MTF2: variants seen among roughly 807,000 people sequenced by gnomAD.
MTF2 encodes metal-response element-binding transcription factor 2.
A neutral mutation model predicts 79.5 loss-of-function variants in MTF2; 11 were observed. The observed-to-expected ratio is 0.14, with a 90% CI of 0.09 to 0.23. The LOEUF is 0.23. MTF2 is among the 10% of genes least tolerant of loss of function. MTF2 has a pLI of 1.00. For synonymous variants in MTF2, 208 were observed against 232.8 expected (o/e 0.89, Z 0.97); for missense variants, 486 against 711.2 (o/e 0.68, Z 3.60).
chr1:93,087,750 A>G (rs1184553324), intron 1 of MTF2, among the ~76,000 whole-genome samples: 1 of 152,198 alleles, frequency 6.6e-6, no homozygotes, highest in African/African-American at 2.4e-5. Context: ...ACAAATATCT[A>G]GAATAACTTT....
rs754860195 is a variant in MTF2, at chr1:93,136,940, C to T, written c.1695C>T (p.Gly565=). The change falls in exon 15 of 15, where the codon GGC becomes GGT. Residue 565 remains glycine (G), a synonymous_variant. Transcript: ENST00000370298. The stretch of plus-strand genomic sequence containing the variant: ...GTGCTGCAGGTAGAATAGCATGTGG[C>T]GAAAAATACCGAGTTTTGGCACGTC... The part of the protein sequence containing the change: ...YFGAAGRIAC[G]EKYRVLARRV... 2.5e-5 allele frequency: 40 copies of T among 1,613,774 alleles called. 1 individual carries two copies. Among genetic ancestry groups the T allele is most frequent in the Admixed American group, 1.8e-4 (11 of 59,968 alleles).
At chr1:93,084,293 T>G (rs1320824270) in intron 1 of MTF2, among the ~76,000 whole-genome samples, 2 of 152,208 alleles carry the variant, frequency 1.3e-5, no homozygotes, top group Non-Finnish European at 2.9e-5. Context: ...AAAAATAAAT[T>G]AACCATACAT....
At chr1:93,099,336 C>A (rs1655432359) in intron 1 of MTF2, among the ~76,000 whole-genome samples, 1 of 152,050 alleles carries the variant, frequency 6.6e-6, no homozygotes, top group African/African-American at 2.4e-5. Context: ...AAAGGATTTA[C>A]CAAGGGCTGG....
chr1:93,134,331 A>G (rs567999197), intron 14 of MTF2, 136 bp downstream of exon 14: 8 of 635,738 alleles, frequency 1.3e-5, no homozygotes, highest in East Asian at 1.1e-4. Flanking sequence ...GAGGTAATCC[A>G]TATGTAGATC....
At chr1:93,123,362 C>T (rs1434980385) in intron 9 of MTF2, among the ~76,000 whole-genome samples, 23 of 151,442 alleles carry the variant, frequency 1.5e-4, no homozygotes, top group Admixed American at 1.3e-3. Flanking sequence ...AGTTATCTTC[C>T]TGCCTCAGCA....
At chr1:93,130,856 A>G (rs991694418) in intron 11 of MTF2, among the ~76,000 whole-genome samples, 1 of 152,174 alleles carries the variant, frequency 6.6e-6, no homozygotes, top group Non-Finnish European at 1.5e-5. Context: ...GTGGGTGGTT[A>G]ATCAAGATCT....
At position 93,138,065 on chromosome 1, in the gene MTF2, T is replaced by C. The variant is rs759615125; in HGVS notation, c.*1038T>C. The C allele has an allele frequency of 3.3e-5, 5 of 152,232 alleles. No individual in the cohort carries two copies. The highest frequency in any genetic ancestry group is 5.9e-5 in the Non-Finnish European group (4 of 68,030). The allele number at this position is 152,232 out of a possible 1,614,324, so 9.4% of individuals were successfully genotyped here. A position where few individuals can be genotyped will look rare whatever the true frequency, so the allele number is the denominator to read the frequency against. On this transcript the variant is annotated 3_prime_UTR_variant, in exon 15 of 15. Coordinates refer to ENST00000370298, the MANE Select transcript of MTF2 (RefSeq NM_007358.4). ...AAATGTCTGTAGTAACTGTTAGTCA[T>C]GTTTGAATAAGTGTAGTATGAACAA...
intron 4 of MTF2, 31 bp from the exon 5 acceptor site, chr1:93,114,957 G>A (rs373662381): frequency 2.0e-4 from 300 of 1,492,622 alleles, no homozygotes; most frequent in Non-Finnish European, 2.4e-4. Context: ...TAATGAAACC[G>A]AATTTGCTTT....
chr1:93,101,568 G>GTTTT (rs71586778), intron 1 of MTF2, among the ~76,000 whole-genome samples: 436 of 25,358 alleles, frequency 0.017, 107 homozygotes, highest in Middle Eastern at 0.17. Flanking sequence ...GCTCAGGCTG[G>GTTTT]TTTTTTTTTT....
At position 93,105,228 on chromosome 1, in the gene MTF2, G is replaced by A. The variant is rs1335249384; in HGVS notation, c.6-5002G>A. ...ATTGAAGTGGGCCGAAGACTGAAAAGGGGAGGAGACTATAGGAGTGGAGAC... is the reference window on the plus strand; with the variant it reads ...ATTGAAGTGGGCCGAAGACTGAAAAAGGGAGGAGACTATAGGAGTGGAGAC... On this transcript the variant is annotated intron_variant, in intron 1 of 14. Transcript: ENST00000370298. Among the ~76,000 whole-genome samples the A allele has an allele frequency of 4.6e-5, 7 of 151,680 alleles. No individual in the cohort carries two copies. In the East Asian group the frequency reaches 1.2e-3, roughly 25 times the overall value.
intron 1 of MTF2, 24 bp downstream of exon 1, chr1:93,079,555 C>T (rs1225828826): frequency 1.2e-6 from 2 of 1,611,312 alleles, no homozygotes; most frequent in Non-Finnish European, 1.7e-6. Flanking sequence ...GCCTGGGAAC[C>T]GACTCTTCCG....
At chr1:93,082,094 C>T (rs921339717) in intron 1 of MTF2, among the ~76,000 whole-genome samples, 1 of 152,146 alleles carries the variant, frequency 6.6e-6, no homozygotes, top group Non-Finnish European at 1.5e-5. Context: ...CCTCTCTAGT[C>T]TTTTTAAAAT....
chr1:93,138,848 A>G lies in MTF2; in HGVS notation c.*1821A>G, dbSNP rs1024207561. ...TGTATCATATTATTTCATTTTCCCC[A>G]AAGTCCTTTAATTCTAACTGAACAC... On this transcript the variant is annotated 3_prime_UTR_variant, in exon 15 of 15. Coordinates refer to ENST00000370298, the MANE Select transcript of MTF2 (RefSeq NM_007358.4). The G allele has an allele frequency of 6.6e-6, 1 of 152,210 alleles. No homozygotes were observed. The allele number at this position is 152,210 out of a possible 1,614,324, so 9.4% of individuals were successfully genotyped here. A position where few individuals can be genotyped will look rare whatever the true frequency, so the allele number is the denominator to read the frequency against.
At chr1:93,084,092 G>A (rs1654733455) in intron 1 of MTF2, among the ~76,000 whole-genome samples, 1 of 150,490 alleles carries the variant, frequency 6.6e-6, no homozygotes, top group South Asian at 2.1e-4. Context: ...TGCTTTTGAT[G>A]CCGTATCTAA....
intron 14 of MTF2, 93 bp from the exon 15 acceptor site, chr1:93,136,577 T>C (rs1647406891): frequency 1.0e-6 from 1 of 999,814 alleles, no homozygotes; most frequent in Admixed American, 2.3e-5. Flanking sequence ...GGATATATGG[T>C]ATAGTAGAGT....
rs74464389 is a variant in MTF2 at position 93,119,313 on chromosome 1, C to CTTTTTT, written c.729-11_729-6dup. The CTTTTTT allele has an allele frequency of 1.5e-6, 2 of 1,295,020 alleles. No individual in the cohort carries two copies. The highest frequency in any genetic ancestry group is 2.4e-5 in the Admixed American group (1 of 41,098). 80.2% of individuals were successfully genotyped at this position (1,295,020 alleles called of 1,614,324 possible). On this transcript the variant is annotated intron_variant, in intron 7 of 14. Coordinates refer to ENST00000370298, the MANE Select transcript of MTF2 (RefSeq NM_007358.4). ...CTGATGACTCAGTATAAAACTTTTT[C>CTTTTTT]TTTTTTTTTTTTTTCTTAGATTTTA... is the stretch of plus-strand genomic sequence containing the variant.
At chr1:93,127,338 A>G (rs775315808) in intron 10 of MTF2, 39 bp downstream of exon 10, 1 of 1,277,512 alleles carries the variant, frequency 7.8e-7, no homozygotes, top group Admixed American at 1.7e-5. Context: ...TGAGGGAGAC[A>G]TTTAGTAAGT....
intron 1 of MTF2, among the ~76,000 whole-genome samples, chr1:93,107,002 AT>A (rs1655823131): frequency 6.6e-6 from 1 of 152,164 alleles, no homozygotes. Context: ...CTTGTCAAAC[AT>A]TTAAACTTTT....
Position 93,110,419 on chromosome 1 carries a change from T to C in MTF2, c.195T>C (p.Thr65=), listed in dbSNP as rs139239910. Residue 65 remains threonine (T), a synonymous_variant, in exon 2 of 15, where the codon ACT becomes ACC. Transcript: ENST00000370298. ...CAGATGGCTTGTTTTATCTTGGCAC[T>C]ATCAAAAAGGCAAGTTACTTTAATG... ...RWSDGLFYLG[T]IKKINILKQS... The C allele has an allele frequency of 3.5e-4, 564 of 1,613,946 alleles. 3 individuals are homozygous for C. The highest frequency in any genetic ancestry group is 9.0e-5 in the Non-Finnish European group (106 of 1,179,940).
Sources: gnomAD v4.1 joint callset for allele counts (sites outside exome capture counted in the v4.1 genomes callset) on GRCh38, gnomAD v4.1.1 for gene constraint, MANE v1.5 for transcripts, NCBI Gene and HGNC (gene_info 2026-07-23, HGNC 2026-07-21) for gene names.